GTF2F2: variants seen among roughly 807,000 people sequenced by gnomAD.
The protein encoded by GTF2F2 is general transcription factor IIF subunit 2.
GTF2F2 carries 23 observed loss-of-function variants against 42.2 expected under a neutral mutation model. The ratio of observed to expected loss-of-function variants is 0.55; its 90% CI spans 0.39 to 0.77. GTF2F2 has a LOEUF of 0.77. Ranked by LOEUF, GTF2F2 falls within the 30% of genes least tolerant of loss-of-function variation. The probability of loss-of-function intolerance (pLI) is 0.00; values close to 1 mark genes in which losing one functional copy is unlikely to be tolerated. For missense variants in GTF2F2, 261 were observed against 287.2 expected, an observed-to-expected ratio of 0.91 and a Z score of 0.66; for synonymous variants, 105 against 100.8, an observed-to-expected ratio of 1.04 and a Z score of -0.25.
chr13:45,240,101 ATTTTT>A (rs34744288), intron 5 of GTF2F2, among the ~76,000 whole-genome samples: 2 of 91,104 alleles, frequency 2.2e-5, no homozygotes, highest in African/African-American at 1.1e-4. Context: ...ATGTAGAGGG[ATTTTT>A]TTTTTTTTTT....
In GTF2F2 at chr13:45,136,741, A is replaced by G. The variant is rs1869645682; in HGVS notation, c.75A>G (p.Lys25=). Residue 25 remains lysine, a synonymous_variant, in exon 2 of 8, where the codon AAA becomes AAG. Transcript: ENST00000340473. ...NTGVWLVKVP[K]YLSQQWAKAS... is the part of the protein sequence containing the mutation. Reference sequence around the variant, plus strand: ...GTTTTACTTTGTTTTAGGTTCCTAAATATTTGTCACAGCAATGGGCTAAAG... The same window carrying G: ...GTTTTACTTTGTTTTAGGTTCCTAAGTATTTGTCACAGCAATGGGCTAAAG... 2 of 1,579,378 alleles carry G rather than the reference A, an allele frequency of 1.3e-6. No individual in the cohort carries two copies. Among genetic ancestry groups the G allele is most frequent in the Non-Finnish European group, 1.7e-6 (2 of 1,151,586 alleles).
At chr13:45,146,691 A>G (rs1196088345) in intron 2 of GTF2F2, among the ~76,000 whole-genome samples, 2 of 152,222 alleles carry the variant, frequency 1.3e-5, no homozygotes, top group Non-Finnish European at 2.9e-5. Flanking sequence ...GGCAACAGGA[A>G]TGAGACCGGA....
intron 5 of GTF2F2, among the ~76,000 whole-genome samples, chr13:45,222,871 T>G (rs1001822413): frequency 6.6e-6 from 1 of 152,206 alleles, no homozygotes; most frequent in East Asian, 1.9e-4. Flanking sequence ...AAGACTTGAT[T>G]TTGGCTGGGC....
chr13:45,170,509 GT>G (rs1236898704), intron 4 of GTF2F2, among the ~76,000 whole-genome samples: 1 of 152,174 alleles, frequency 6.6e-6, no homozygotes, highest in African/African-American at 2.4e-5. Context: ...CTTTTCATGA[GT>G]TTTGCAGTCT....
chr13:45,151,570 G>A lies in GTF2F2; in HGVS notation c.160-117G>A, dbSNP rs894821343. 13 of 614,540 alleles carry A rather than the reference G, an allele frequency of 2.1e-5. 1 individual carries two copies. In the South Asian group the frequency reaches 2.9e-4, roughly 14 times the overall value. The allele number at this position is 614,540 out of a possible 1,614,324, so 38.1% of individuals were successfully genotyped here. ...AGTATTAAGGAGTTTTTAATAAAGTGTTTAATGAAATGACTGGAAAACACA... is the reference window on the plus strand; with the variant it reads ...AGTATTAAGGAGTTTTTAATAAAGTATTTAATGAAATGACTGGAAAACACA... On this transcript the variant is annotated intron_variant, in intron 3 of 7. Transcript: ENST00000340473.
chr13:45,262,689 G>T (rs753266813), intron 6 of GTF2F2, among the ~76,000 whole-genome samples: 9 of 152,150 alleles, frequency 5.9e-5, no homozygotes, highest in Non-Finnish European at 8.8e-5. Flanking sequence ...AAAGTGCTGA[G>T]ATAACAGGTG....
chr13:45,219,465 A>G (rs1406550962), intron 5 of GTF2F2: 6 of 152,248 alleles, frequency 3.9e-5, no homozygotes, highest in African/African-American at 1.4e-4. Flanking sequence ...TGGTTCCGTT[A>G]CATTATAAAA....
chr13:45,162,258 G>A (rs889650585), intron 4 of GTF2F2, among the ~76,000 whole-genome samples: 1 of 152,082 alleles, frequency 6.6e-6, no homozygotes, highest in African/African-American at 2.4e-5. Context: ...CATTTCACAG[G>A]GCAGCCATCT....
intron 4 of GTF2F2, among the ~76,000 whole-genome samples, chr13:45,191,224 A>AATATATATATATATATAT (rs1165963910): frequency 3.3e-4 from 25 of 75,236 alleles, no homozygotes; most frequent in African/African-American, 1.8e-3. Context: ...ACAAAAAAAA[A>AATATATATATATATATAT]ATATATATAT....
intron 5 of GTF2F2, among the ~76,000 whole-genome samples, chr13:45,236,644 A>G (rs967556999): frequency 4.6e-5 from 7 of 152,126 alleles, no homozygotes; most frequent in African/African-American, 9.7e-5. Flanking sequence ...GCATTAGCCT[A>G]TTTGACTGTT....
chr13:45,133,767 G>A (rs952437168), intron 1 of GTF2F2, among the ~76,000 whole-genome samples: 5 of 152,000 alleles, frequency 3.3e-5, no homozygotes, highest in Admixed American at 6.6e-5. Context: ...CCTCTGTATC[G>A]CTGCATTCGT....
intron 4 of GTF2F2, among the ~76,000 whole-genome samples, chr13:45,185,463 A>G (rs191177346): frequency 4.6e-5 from 7 of 152,320 alleles, no homozygotes; most frequent in African/African-American, 1.7e-4. Flanking sequence ...GTAGACTTAC[A>G]CATGTTGTAA....
At chr13:45,262,710 C>T (rs756570713) in intron 6 of GTF2F2, among the ~76,000 whole-genome samples, 2 of 151,898 alleles carry the variant, frequency 1.3e-5, no homozygotes, top group African/African-American at 2.4e-5. Flanking sequence ...TGAGCCACTG[C>T]GCCCGGCCTA....
chr13:45,141,817 T>A (rs529110916), intron 2 of GTF2F2, among the ~76,000 whole-genome samples: 1 of 152,278 alleles, frequency 6.6e-6, no homozygotes, highest in South Asian at 2.1e-4. Context: ...TCCATACAAA[T>A]CATTTTGGGT....
At chr13:45,281,916 T>C (rs1293049136) in intron 7 of GTF2F2, among the ~76,000 whole-genome samples, 1 of 152,212 alleles carries the variant, frequency 6.6e-6, no homozygotes, top group Non-Finnish European at 1.5e-5. Flanking sequence ...ATAATTATCT[T>C]GGCTGGGTGC....
intron 7 of GTF2F2, among the ~76,000 whole-genome samples, chr13:45,273,249 T>A (rs189415757): frequency 2.1e-4 from 32 of 151,880 alleles, no homozygotes; most frequent in African/African-American, 5.1e-4. Context: ...TTTTTTAAAA[T>A]TTTTTTTGTG....
intron 7 of GTF2F2, among the ~76,000 whole-genome samples, chr13:45,268,913 T>A (rs1288679155): frequency 6.6e-6 from 1 of 152,194 alleles, no homozygotes; most frequent in Non-Finnish European, 1.5e-5. Flanking sequence ...GTTCTTAAGA[T>A]ATTTTTTATA....
chr13:45,159,380 G>A (rs765140997), intron 4 of GTF2F2, among the ~76,000 whole-genome samples: 1 of 152,158 alleles, frequency 6.6e-6, no homozygotes. Flanking sequence ...AAATGAAAAA[G>A]GTAAGCGTTT....
At chr13:45,170,905 T>C (rs965906949) in intron 4 of GTF2F2, among the ~76,000 whole-genome samples, 15 of 151,794 alleles carry the variant, frequency 9.9e-5, no homozygotes, top group African/African-American at 3.4e-4. Flanking sequence ...ACTGGGAGGG[T>C]AGCAGAGAGA....
Sources: gnomAD v4.1 joint callset for allele counts (sites outside exome capture counted in the v4.1 genomes callset) on GRCh38, gnomAD v4.1.1 for gene constraint, MANE v1.5 for transcripts, NCBI Gene and HGNC (gene_info 2026-07-23, HGNC 2026-07-21) for gene names.